The following GABARAPL1 variants were observed in gnomAD, a reference collection of about 807,000 sequenced individuals.
The protein encoded by GABARAPL1 is GABA type A receptor associated protein like 1, also known as gamma-aminobutyric acid receptor-associated protein-like 1.
Under a neutral mutation model 14.5 loss-of-function variants are expected in GABARAPL1, and 4 were observed. The ratio of observed to expected loss-of-function variants is 0.28; its 90% CI spans 0.14 to 0.63. The LOEUF (loss-of-function observed/expected upper bound fraction) is 0.63. GABARAPL1 is among the 30% of genes least tolerant of loss of function. The probability of loss-of-function intolerance (pLI) is 0.84; values close to 1 mark genes in which losing one functional copy is unlikely to be tolerated. For missense variants in GABARAPL1, 82 were observed against 139.2 expected, an observed-to-expected ratio of 0.59 and a Z score of 2.07; for synonymous variants, 47 against 50.6, an observed-to-expected ratio of 0.93 and a Z score of 0.30.
At chr12:10,214,040 C>T (rs984108266) in intron 1 of GABARAPL1, 2 of 338,678 alleles carry the variant, frequency 5.9e-6, no homozygotes, top group African/African-American at 4.3e-5. Context: ...TTACCCCCTC[C>T]CCCGCCCACT....
rs1949126439 is a variant in GABARAPL1, at chr12:10,222,754, A to G, written c.*902A>G. On this transcript the variant is annotated 3_prime_UTR_variant, in exon 4 of 4. Transcript: ENST00000266458. ...CAAGTATGAAGTAAGGTAATTATAT[A>G]CTACTCTCATTCAGGATTCTTGCTC... The G allele has an allele frequency of 6.6e-6, 1 of 152,124 alleles. No homozygotes were observed. The highest frequency in any genetic ancestry group is 2.4e-5 in the African/African-American group (1 of 41,400). The allele number at this position is 152,124 out of a possible 1,614,324, so 9.4% of individuals were successfully genotyped here.
Position 10,221,984 on chromosome 12 carries a change from C to CCA in GABARAPL1, c.*140_*141dup. The CCA allele has an allele frequency of 1.4e-6, 1 of 721,578 alleles. No homozygotes were observed. The highest frequency in any genetic ancestry group is 2.4e-6 in the Non-Finnish European group (1 of 413,822). The allele number at this position is 721,578 out of a possible 1,614,324, so 44.7% of individuals were successfully genotyped here. ...GGTGAAGACATCTAGAAACATTACA[C>CCA]CACACACACCGTCATCACATTTTCA... On this transcript the variant is annotated 3_prime_UTR_variant, in exon 4 of 4. Transcript: ENST00000266458.
chr12:10,213,315 T>C (rs1430786322), intron 1 of GABARAPL1, 96 bp downstream of exon 1: 2 of 765,758 alleles, frequency 2.6e-6, no homozygotes, highest in South Asian at 2.9e-5. Flanking sequence ...CAGGCGGCTC[T>C]GGAGAAGGGA....
At chr12:10,219,164 C>T (rs142626101) in intron 2 of GABARAPL1, among the ~76,000 whole-genome samples, 2,393 of 151,670 alleles carry the variant, frequency 0.016, 34 homozygotes, top group Non-Finnish European at 0.022. Flanking sequence ...ATTAAAAATA[C>T]AAAAATTAGC....
chr12:10,216,716 T>G (rs553248271), intron 1 of GABARAPL1, among the ~76,000 whole-genome samples: 16 of 151,922 alleles, frequency 1.1e-4, no homozygotes, highest in African/African-American at 3.6e-4. Flanking sequence ...AATTTTGTAT[T>G]TTTAGTAGAG....
rs113748557 is a variant in GABARAPL1, at chr12:10,216,119, G to A, written c.91-1944G>A. Among the ~76,000 whole-genome samples the A allele has an allele frequency of 5.3e-5, 8 of 152,036 alleles. No homozygotes were observed. In the East Asian group the frequency reaches 1.5e-3, roughly 29 times the overall value. On this transcript the variant is annotated intron_variant, in intron 1 of 3. Transcript: ENST00000266458. Reference sequence around the variant, plus strand: ...GGCACGGTGGCTCACACCTGTAATCGCAGTACTTCCGGAGGCTGAGGCGGG... The same window carrying A: ...GGCACGGTGGCTCACACCTGTAATCACAGTACTTCCGGAGGCTGAGGCGGG...
intron 1 of GABARAPL1, among the ~76,000 whole-genome samples, chr12:10,216,372 A>C (rs1949089023): frequency 6.7e-6 from 1 of 149,132 alleles, no homozygotes; most frequent in Non-Finnish European, 1.5e-5. Flanking sequence ...ACTCGACCTC[A>C]AAAAAAAAAG....
chr12:10,221,306 G>C (rs1949119298), intron 3 of GABARAPL1: 1 of 973,752 alleles, frequency 1.0e-6, no homozygotes, highest in Non-Finnish European at 1.2e-6. Flanking sequence ...GGAAACTATA[G>C]TGAAGGACTT....
At chr12:10,221,601 G>A in intron 3 of GABARAPL1, 186 bp from the exon 4 acceptor site, 1 of 491,224 alleles carries the variant, frequency 2.0e-6, no homozygotes, top group African/African-American at 2.1e-5. Flanking sequence ...TTCAATGAAG[G>A]ATTTTTGTTT....
chr12:10,216,712 G>T lies in GABARAPL1; in HGVS notation c.91-1351G>T, dbSNP rs959351349. Among the ~76,000 whole-genome samples, 214 of 151,720 alleles carry T rather than the reference G, an allele frequency of 1.4e-3. 3 individuals carry two copies. The highest frequency in any genetic ancestry group is 3.5e-3 in the Admixed American group (53 of 15,236). On this transcript the variant is annotated intron_variant, in intron 1 of 3. Transcript: ENST00000266458. Reference sequence around the variant, plus strand: ...TGCATCACAATGCCTGGCTAATTTTGTATTTTTAGTAGAGATGGGGTTTCT... The same window carrying T: ...TGCATCACAATGCCTGGCTAATTTTTTATTTTTAGTAGAGATGGGGTTTCT...
At chr12:10,220,965 C>A in intron 3 of GABARAPL1, 1 of 1,260,290 alleles carries the variant, frequency 7.9e-7, no homozygotes, top group Non-Finnish European at 1.0e-6. Flanking sequence ...CATTTAGCAA[C>A]AGATTGAGAA....
chr12:10,219,891 G>C (rs1949111359), intron 2 of GABARAPL1, among the ~76,000 whole-genome samples: 1 of 152,142 alleles, frequency 6.6e-6, no homozygotes, highest in Non-Finnish European at 1.5e-5. Context: ...AGATTTTGTT[G>C]ATTTGCTCCA....
intron 2 of GABARAPL1, among the ~76,000 whole-genome samples, chr12:10,218,874 A>C (rs1034616475): frequency 1.3e-5 from 2 of 151,540 alleles, no homozygotes; most frequent in East Asian, 4.0e-4. Context: ...ATACCCGGCT[A>C]CTTTTTTTGG....
intron 2 of GABARAPL1, 34 bp downstream of exon 2, chr12:10,218,175 G>T (rs199873121): frequency 3.9e-6 from 5 of 1,285,706 alleles, no homozygotes; most frequent in East Asian, 4.6e-5. Context: ...CCCTTCCTCC[G>T]GTGAAAAAAC....
At chr12:10,219,215 A>C (rs150976941) in intron 2 of GABARAPL1, among the ~76,000 whole-genome samples, 2,579 of 151,864 alleles carry the variant, frequency 0.017, 31 homozygotes, top group Middle Eastern at 0.082. Context: ...GCTACTCAGG[A>C]GGCCAAGGCT....
chr12:10,219,313 C>T lies in GABARAPL1; in HGVS notation c.170-1127C>T, dbSNP rs1331537470. Among the ~76,000 whole-genome samples, 16 of 141,214 alleles carry T rather than the reference C, an allele frequency of 1.1e-4. No individual in the cohort carries two copies. The East Asian group carries it at 1.3e-3, about 11-fold the overall frequency. 92.6% of individuals were successfully genotyped at this position (141,214 alleles called of 152,430 possible). On this transcript the variant is annotated intron_variant, in intron 2 of 3. Coordinates refer to ENST00000266458, the MANE Select transcript of GABARAPL1 (RefSeq NM_031412.4). ...CAGGCTGAGTGACACAGTGAGACTC[C>T]GCCTCAAAAAAACAAAAAACAAAAA...
intron 1 of GABARAPL1, among the ~76,000 whole-genome samples, chr12:10,217,457 C>A (rs573517029): frequency 6.6e-6 from 1 of 152,140 alleles, no homozygotes; most frequent in African/African-American, 2.4e-5. Flanking sequence ...GGTGGCCAGG[C>A]ACGGTAGCTC....
intron 2 of GABARAPL1, 87 bp from the exon 3 acceptor site, chr12:10,220,353 A>G: frequency 6.3e-7 from 1 of 1,579,098 alleles, no homozygotes; most frequent in East Asian, 2.2e-5. Context: ...GAAAAAATGC[A>G]ATTGAATTTT....
At chr12:10,219,669 G>A (rs747294943) in intron 2 of GABARAPL1, among the ~76,000 whole-genome samples, 4 of 152,058 alleles carry the variant, frequency 2.6e-5, no homozygotes, top group East Asian at 1.9e-4. Context: ...GCATGGTGGC[G>A]CGTGCCTGTA....
Sources: gnomAD v4.1 joint callset for allele counts (sites outside exome capture counted in the v4.1 genomes callset) on GRCh38, gnomAD v4.1.1 for gene constraint, MANE v1.5 for transcripts, NCBI Gene and HGNC (gene_info 2026-07-23, HGNC 2026-07-21) for gene names.